PARN: variants seen among roughly 807,000 people sequenced by gnomAD.
PARN encodes the protein poly(A)-specific ribonuclease, also known as poly(A)-specific ribonuclease PARN.
PARN carries 71 observed loss-of-function variants against 102.8 expected under a neutral mutation model. The ratio of observed to expected loss-of-function variants is 0.69; its 90% confidence interval spans 0.57 to 0.84. PARN has a LOEUF of 0.84. Ranked by LOEUF, PARN falls within the 40% of genes least tolerant of loss-of-function variation. PARN has a pLI of 0.00. For missense variants in PARN, 782 were observed against 760.9 expected (o/e 1.03, Z -0.33); for synonymous variants, 261 against 252.9 (o/e 1.03, Z -0.30).
rs58324292 is a variant in PARN at position 14,457,313 on chromosome 16, G to A, written c.1671-10232C>T. Among the ~76,000 whole-genome samples the A allele has an allele frequency of 3.6e-3, 541 of 152,228 alleles. 3 individuals carry two copies. Among genetic ancestry groups the A allele is most frequent in the Admixed American group, 0.013 (198 of 15,280 alleles). On this transcript the variant is annotated intron_variant, in intron 22 of 23. Transcript: ENST00000437198. Reference sequence around the variant, plus strand: ...AATGAACTGGAGAGATCCGGTAAGTGGGAGCTAGAAATGCCTTTTTATTGT... The same window carrying A: ...AATGAACTGGAGAGATCCGGTAAGTAGGAGCTAGAAATGCCTTTTTATTGT...
At chr16:14,620,743 G>A (rs1972243949) in intron 5 of PARN, among the ~76,000 whole-genome samples, 1 of 152,122 alleles carries the variant, frequency 6.6e-6, no homozygotes, top group South Asian at 2.1e-4. Context: ...CTATTCTGGG[G>A]AAAGCTATAC....
chr16:14,604,382 T>G (rs1172158284), intron 10 of PARN, among the ~76,000 whole-genome samples, 156 bp from the exon 11 acceptor site: 1 of 152,100 alleles, frequency 6.6e-6, no homozygotes, highest in Non-Finnish European at 1.5e-5. Flanking sequence ...TACCTTAGCC[T>G]CCCGAGTAGC....
At chr16:14,542,465 T>C (rs1966847538) in intron 21 of PARN, among the ~76,000 whole-genome samples, 1 of 151,878 alleles carries the variant, frequency 6.6e-6, no homozygotes, top group African/African-American at 2.4e-5. Context: ...AATAAAAATG[T>C]GCACCACCAC....
Position 14,593,323 on chromosome 16 carries a change from T to C in PARN, c.896A>G (p.Gln299Arg). 1 of 1,600,664 alleles carries C rather than the reference T, an allele frequency of 6.2e-7. No homozygotes were observed. Reference protein sequence around the residue: ...MLLDVMHTVHQFYCPLPADLS... With the variant: ...MLLDVMHTVHRFYCPLPADLS... ...TACCGCAGGCAGAGGGCAGTAGAAC[T>C]GATGAACTGTGTGCATGACGTCCAA... is the stretch of plus-strand genomic sequence containing the variant. Residue 299 changes from glutamine to arginine, a missense_variant, in exon 13 of 24, where the codon CAG becomes CGG. By Grantham distance (43) the Gln-to-Arg change is conservative. Transcript: ENST00000437198.
intron 22 of PARN, among the ~76,000 whole-genome samples, chr16:14,478,944 A>G (rs1963226128): frequency 6.6e-6 from 1 of 152,086 alleles, no homozygotes; most frequent in African/African-American, 2.4e-5. Flanking sequence ...ACGGCCAGCT[A>G]ATTCTCATAT....
chr16:14,582,065 G>A (rs1329638256), intron 17 of PARN, 116 bp downstream of exon 17: 5 of 744,690 alleles, frequency 6.7e-6, no homozygotes, highest in Admixed American at 6.0e-5. Context: ...AGAAATAAAT[G>A]TCTGTTGTTT....
chr16:14,544,752 T>C (rs779746338), intron 21 of PARN, among the ~76,000 whole-genome samples: 2 of 152,138 alleles, frequency 1.3e-5, no homozygotes, highest in African/African-American at 2.4e-5. Context: ...TAAATACGTA[T>C]GCCCCTAATA....
At chr16:14,444,450 A>G (rs1267966124) in intron 23 of PARN, among the ~76,000 whole-genome samples, 1 of 152,172 alleles carries the variant, frequency 6.6e-6, no homozygotes, top group Non-Finnish European at 1.5e-5. Context: ...TCAAAACCCT[A>G]AATAACTTAT....
chr16:14,600,812 C>G (rs1480636005), intron 11 of PARN, among the ~76,000 whole-genome samples: 1 of 152,084 alleles, frequency 6.6e-6, no homozygotes, highest in Non-Finnish European at 1.5e-5. Context: ...TGCCTGTAAT[C>G]CCAGCTATTC....
intron 21 of PARN, among the ~76,000 whole-genome samples, chr16:14,490,007 T>C (rs989009852): frequency 6.6e-6 from 1 of 152,096 alleles, no homozygotes; most frequent in African/African-American, 2.4e-5. Flanking sequence ...TGTCTCTACT[T>C]AAATACGAAG....
intron 21 of PARN, among the ~76,000 whole-genome samples, chr16:14,544,762 A>G (rs889269484): frequency 1.3e-5 from 2 of 152,206 alleles, no homozygotes; most frequent in Non-Finnish European, 2.9e-5. Context: ...TGCCCCTAAT[A>G]ATACAGCCAC....
chr16:14,563,522 G>GTGTGTGTGTGTATATA (rs1423811963), intron 18 of PARN, among the ~76,000 whole-genome samples: 12 of 149,146 alleles, frequency 8.0e-5, no homozygotes, highest in Admixed American at 2.0e-4. Flanking sequence ...GTGTGTGTGT[G>GTGTGTGTGTGTATATA]TATATAATTC....
intron 22 of PARN, among the ~76,000 whole-genome samples, chr16:14,452,511 A>G (rs1044656896): frequency 6.6e-5 from 10 of 152,158 alleles, no homozygotes; most frequent in African/African-American, 2.2e-4. Context: ...TAATTTTTGT[A>G]TCTTTAGTAG....
At chr16:14,545,063 C>T (rs1284636054) in intron 21 of PARN, among the ~76,000 whole-genome samples, 1 of 152,106 alleles carries the variant, frequency 6.6e-6, no homozygotes, top group African/African-American at 2.4e-5. Context: ...TAGCGTGTGT[C>T]TGCAGTCCCA....
At position 14,435,896 on chromosome 16, in the gene PARN, TCACACACA is replaced by T. The variant is rs71373026; in HGVS notation, c.*813_*820del. 20,448 of 131,066 alleles carry T rather than the reference TCACACACA, an allele frequency of 0.16. 1,721 individuals carry two copies. Among genetic ancestry groups the T allele is most frequent in the Middle Eastern group, 0.23 (61 of 264 alleles). The allele number at this position is 131,066 out of a possible 1,614,324, so 8.1% of individuals were successfully genotyped here. ...GGACATGTTGTAGATTTGCACGATT[TCACACACA>T]CACACACACACACACACACACACAC... On this transcript the variant is annotated 3_prime_UTR_variant, in exon 24 of 24. Transcript: ENST00000437198.
At chr16:14,590,487 T>C (rs1970125797) in intron 13 of PARN, among the ~76,000 whole-genome samples, 1 of 151,498 alleles carries the variant, frequency 6.6e-6, no homozygotes, top group East Asian at 2.0e-4. Context: ...ATACAAAAAT[T>C]ACCCGGGCAT....
intron 8 of PARN, among the ~76,000 whole-genome samples, chr16:14,608,783 C>T (rs187404096): frequency 6.6e-6 from 1 of 152,240 alleles, no homozygotes; most frequent in Admixed American, 6.5e-5. Context: ...CGCCTCAAGG[C>T]CAAATTAATT....
chr16:14,505,789 T>G (rs1596534106), intron 21 of PARN, among the ~76,000 whole-genome samples: 1 of 152,334 alleles, frequency 6.6e-6, no homozygotes, highest in East Asian at 1.9e-4. Flanking sequence ...AATTCTAGTG[T>G]CAGCTTTGGC....
At chr16:14,519,724 AAACT>A (rs1445948084) in intron 21 of PARN, among the ~76,000 whole-genome samples, 2 of 152,210 alleles carry the variant, frequency 1.3e-5, no homozygotes, top group African/African-American at 2.4e-5. Flanking sequence ...ATACTAAAAC[AAACT>A]AACTGGCCAC....
Sources: allele counts gnomAD v4.1 joint callset (sites outside exome capture counted in the v4.1 genomes callset), GRCh38; gene constraint gnomAD v4.1.1; transcripts MANE v1.5; gene names NCBI Gene and HGNC (gene_info 2026-07-23, HGNC 2026-07-21).